ZCCHC14: variants seen among roughly 807,000 people sequenced by gnomAD.
The protein encoded by ZCCHC14 is zinc finger CCHC domain-containing protein 14.
In ZCCHC14, 16 loss-of-function variants were observed where a neutral mutation model predicts 85.0. That is an observed-to-expected ratio of 0.19 (90% CI 0.13 to 0.29). ZCCHC14 has a LOEUF of 0.29. Among genes scored for constraint, ZCCHC14 ranks in the 10% least tolerant of loss-of-function variants. ZCCHC14 has a pLI of 1.00. For missense variants in ZCCHC14, 1,303 were observed against 1,443.5 expected, an observed-to-expected ratio of 0.90 and a Z score of 1.58; for synonymous variants, 775 against 630.7, an observed-to-expected ratio of 1.23 and a Z score of -3.43.
chr16:87,419,861 G>A lies in ZCCHC14; in HGVS notation c.967C>T (p.Pro323Ser), dbSNP rs1909001321. The A allele has an allele frequency of 1.9e-6, 3 of 1,612,042 alleles. 1 individual carries two copies. The Middle Eastern group carries it at 5.0e-4, about 266-fold the overall frequency. The change falls in exon 6 of 13, where the codon CCT (proline) becomes TCT (serine). Residue 323 changes from proline (P) to serine (S), a missense_variant. Physicochemically the swap from Pro to Ser is moderately conservative, Grantham distance 74. Around this residue, in one of 7 missense-constraint regions of ZCCHC14, gnomAD observed 389 missense variants for 397.8 expected, o/e 0.98. Transcript: ENST00000671377. ...TGGTCATTTTTCAACACGTGAGAAG[G>A]TAATGAGGCCAGGTACCTAAAAGGC... Reference protein sequence around the residue: ...DSGLRYLASLPSHVLKNDHVR... With the variant: ...DSGLRYLASLSSHVLKNDHVR...
intron 2 of ZCCHC14, among the ~76,000 whole-genome samples, chr16:87,448,564 C>G (rs540079228): frequency 6.6e-6 from 1 of 152,236 alleles, no homozygotes; most frequent in South Asian, 2.1e-4. Flanking sequence ...TGCCCATTTG[C>G]GCCACTCACC....
At chr16:87,423,736 A>G (rs915125508) in intron 4 of ZCCHC14, 74 bp downstream of exon 4, 1 of 1,550,654 alleles carries the variant, frequency 6.4e-7, no homozygotes, top group Admixed American at 1.7e-5. Flanking sequence ...GGCCTCTGAA[A>G]TTACTCCGTG....
rs139846822 is a variant in ZCCHC14, at chr16:87,441,495, T to C, written c.695-8294A>G. ...TATTTATTGTTTAAGTCTGTAGTTC[T>C]ATTGGATTCAAGTTTGAAAGGCAAC... On this transcript the variant is annotated intron_variant, in intron 2 of 12. Transcript: ENST00000671377. Among the ~76,000 whole-genome samples, 428 of 152,342 alleles carry C rather than the reference T, an allele frequency of 2.8e-3. 1 individual carries two copies. Among genetic ancestry groups the C allele is most frequent in the Non-Finnish European group, 4.0e-3 (273 of 68,038 alleles).
chr16:87,482,541 CT>C (rs950879581), intron 1 of ZCCHC14, among the ~76,000 whole-genome samples: 13 of 152,174 alleles, frequency 8.5e-5, no homozygotes, highest in African/African-American at 3.1e-4. Context: ...CAAAAAAACC[CT>C]TCCTGGGGAT....
At chr16:87,478,761 C>A (rs1038151925) in intron 1 of ZCCHC14, among the ~76,000 whole-genome samples, 1 of 152,054 alleles carries the variant, frequency 6.6e-6, no homozygotes, top group African/African-American at 2.4e-5. Context: ...CGCCCGCCAC[C>A]ACGCCCGGCT....
At position 87,413,395 on chromosome 16, in the gene ZCCHC14, C is replaced by T. The variant is rs924155688; in HGVS notation, c.1604-200G>A. On this transcript the variant is annotated intron_variant, in intron 10 of 12. Transcript: ENST00000671377. ...TCAAATGGCAGCGATGCTCAACACCCGCTCAGCCAGGGCCCTGCCGGCCCC... is the reference window on the plus strand; with the variant it reads ...TCAAATGGCAGCGATGCTCAACACCTGCTCAGCCAGGGCCCTGCCGGCCCC... 3.3e-5 allele frequency among the ~76,000 whole-genome samples: 5 copies of T among 152,344 alleles called. No individual in the cohort carries two copies. The East Asian group carries it at 7.7e-4, about 24-fold the overall frequency.
At position 87,491,120 on chromosome 16, in the gene ZCCHC14, G is replaced by T. The variant is rs563724584; in HGVS notation, c.570+549C>A. Among the ~76,000 whole-genome samples the T allele has an allele frequency of 6.6e-6, 1 of 152,376 alleles. No homozygotes were observed. Among genetic ancestry groups the T allele is most frequent in the Admixed American group, 6.5e-5 (1 of 15,308 alleles). On this transcript the variant is annotated intron_variant, in intron 1 of 12. Transcript: ENST00000671377. This position sits in a 1 kb window ranked among gnomAD's most constrained non-coding sequence, Gnocchi z 5.9. Reference sequence around the variant, plus strand: ...TGTCACCCAAGGGCCCCATTAAGGGGACAAAGGCCTTATCGCGTTTGCAGC... The same window carrying T: ...TGTCACCCAAGGGCCCCATTAAGGGTACAAAGGCCTTATCGCGTTTGCAGC...
At position 87,492,946 on chromosome 16, in the gene ZCCHC14, G is replaced by A. The variant is rs911229225; in HGVS notation, c.-708C>T. Among the ~76,000 whole-genome samples, 2 of 150,918 alleles carry A rather than the reference G, an allele frequency of 1.3e-5. No homozygotes were observed. Among genetic ancestry groups the A allele is most frequent in the African/African-American group, 4.8e-5 (2 of 41,238 alleles). ...CGACGGCGACGGCGACGGCGACGGC[G>A]ACGGCGGAGGAGGCGCCGGCCGAGG... On this transcript the variant is annotated 5_prime_UTR_variant, in exon 1 of 13. Coordinates refer to ENST00000671377, the MANE Select transcript of ZCCHC14 (RefSeq NM_015144.3). The surrounding 1 kb of genome is among the most constrained non-coding windows in gnomAD (Gnocchi z 6.7).
At chr16:87,425,881 G>A (rs554498004) in intron 3 of ZCCHC14, among the ~76,000 whole-genome samples, 36 of 152,326 alleles carry the variant, frequency 2.4e-4, no homozygotes, top group African/African-American at 7.0e-4. Flanking sequence ...CTAACCCAGG[G>A]AAGATGTGAA....
intron 3 of ZCCHC14, among the ~76,000 whole-genome samples, chr16:87,424,586 G>C (rs961771962): frequency 6.6e-6 from 1 of 152,122 alleles, no homozygotes; most frequent in Admixed American, 6.5e-5. Context: ...CCACATGCAC[G>C]CTAAGCTCCA....
chr16:87,452,729 G>T (rs1283985587), intron 2 of ZCCHC14, among the ~76,000 whole-genome samples: 6 of 152,228 alleles, frequency 3.9e-5, no homozygotes, highest in Non-Finnish European at 8.8e-5. Context: ...GCCAAGAAAA[G>T]GTAGTGAGCT....
intron 2 of ZCCHC14, among the ~76,000 whole-genome samples, chr16:87,433,787 G>A (rs917701675): frequency 4.6e-5 from 7 of 152,002 alleles, no homozygotes; most frequent in Admixed American, 2.0e-4. Context: ...GATTACAGGC[G>A]CATGCACCAC....
intron 2 of ZCCHC14, among the ~76,000 whole-genome samples, chr16:87,457,939 T>C (rs1248985744): frequency 6.6e-6 from 1 of 152,106 alleles, no homozygotes; most frequent in Non-Finnish European, 1.5e-5. Flanking sequence ...TTTTAAGCAC[T>C]GTGGGGTTTG....
rs577441616 is a variant in ZCCHC14, at chr16:87,406,423, A to G, written c.*3857T>C. The G allele has an allele frequency of 2.6e-5, 4 of 152,772 alleles. No homozygotes were observed. The highest frequency in any genetic ancestry group is 1.9e-4 in the East Asian group (1 of 5,190). 9.5% of individuals were successfully genotyped at this position (152,772 alleles called of 1,614,324 possible). ...CGGAATATTAAATATTTACAAAACT[A>G]TATCTTTTAAAAATATTTATAAAGT... On this transcript the variant is annotated 3_prime_UTR_variant, in exon 13 of 13. Coordinates refer to ENST00000671377, the MANE Select transcript of ZCCHC14 (RefSeq NM_015144.3).
chr16:87,430,910 C>A (rs1359072905), intron 3 of ZCCHC14, among the ~76,000 whole-genome samples: 1 of 152,020 alleles, frequency 6.6e-6, no homozygotes, highest in Non-Finnish European at 1.5e-5. Context: ...GAGGCTGAGG[C>A]GGGCAGATCG....
intron 3 of ZCCHC14, among the ~76,000 whole-genome samples, chr16:87,428,935 G>C (rs1170415787): frequency 6.6e-6 from 1 of 152,200 alleles, no homozygotes; most frequent in African/African-American, 2.4e-5. Context: ...TAACACCAGG[G>C]TTGGCCTGTC....
intron 2 of ZCCHC14, among the ~76,000 whole-genome samples, chr16:87,446,940 G>T (rs1160925815): frequency 2.0e-5 from 3 of 152,062 alleles, no homozygotes; most frequent in Non-Finnish European, 2.9e-5. Flanking sequence ...ACCTGCCTTG[G>T]CCTCAAGAAG....
chr16:87,460,246 A>C, intron 1 of ZCCHC14, 115 bp from the exon 2 acceptor site: 13 of 1,322,254 alleles, frequency 9.8e-6, no homozygotes, highest in Non-Finnish European at 1.3e-5. Flanking sequence ...TCTACAAAAC[A>C]TGTATTATTA....
Position 87,413,056 on chromosome 16 carries a change from T to G in ZCCHC14, c.1743A>C (p.Arg581Ser). 1 of 1,614,104 alleles carries G rather than the reference T, an allele frequency of 6.2e-7. No homozygotes were observed. The highest frequency in any genetic ancestry group is 8.5e-7 in the Non-Finnish European group (1 of 1,180,012). ...CCAGCGCCGCGCACGTGCCCTTACG[T>G]CTGTCATTCTCCTCAGCGCTGTCGG... ...ESSDSAEEND[R>S]RVEIHLESSD... Residue 581 changes from arginine (R) to serine (S), a missense_variant and splice_region_variant, in exon 11 of 13, where the codon AGA becomes AGC. Arg to Ser is a moderately radical substitution (Grantham distance 110, BLOSUM62 -1). Coordinates refer to ENST00000671377, the MANE Select transcript of ZCCHC14 (RefSeq NM_015144.3).
Sources: gnomAD v4.1 joint callset for allele counts (sites outside exome capture counted in the v4.1 genomes callset) on GRCh38, gnomAD v4.1.1 for gene constraint, gnomAD v4.1.1 regional missense constraint, Gnocchi (gnomAD v3.1) non-coding constraint, MANE v1.5 for transcripts, NCBI Gene and HGNC (gene_info 2026-07-23, HGNC 2026-07-21) for gene names.